Variants in NXN observed in about 807,000 individuals in gnomAD.
NXN encodes the protein nucleoredoxin 1.
In NXN, 16 loss-of-function variants were observed where a neutral mutation model predicts 48.6. The ratio of observed to expected loss-of-function variants is 0.33; its 90% CI spans 0.22 to 0.50. The LOEUF (loss-of-function observed/expected upper bound fraction) is 0.50, where lower values mean the gene tolerates loss of function less well. NXN is among the 20% of genes least tolerant of loss of function. The pLI, the probability that NXN is intolerant of heterozygous loss-of-function variation, is 0.98. For missense variants in NXN, 492 were observed against 605.5 expected, an observed-to-expected ratio of 0.81 and a Z score of 1.97; for synonymous variants, 281 against 269.6, an observed-to-expected ratio of 1.04 and a Z score of -0.41.
intron 1 of NXN, among the ~76,000 whole-genome samples, chr17:838,126 C>CTTTTTTTTTTTTTTTTT (rs66721481): frequency 1.0e-5 from 1 of 99,188 alleles, no homozygotes; most frequent in Non-Finnish European, 1.9e-5. Flanking sequence ...TCCTTTCCTT[C>CTTTTTTTTTTTTTTTTT]TTTTTTTTTT....
intron 1 of NXN, among the ~76,000 whole-genome samples, chr17:882,505 A>G (rs368433665): frequency 3.7e-4 from 56 of 151,978 alleles, no homozygotes; most frequent in African/African-American, 5.3e-4. Context: ...TCGCTCTGTC[A>G]CCCAGGCTGG....
intron 1 of NXN, 77 bp downstream of exon 1, chr17:979,242 G>GGTAACGGGCGTGGGGGGCGGGCAGGA: frequency 9.5e-7 from 1 of 1,057,352 alleles, no homozygotes; most frequent in Non-Finnish European, 1.2e-6. Context: ...GGAGGGCAGG[G>GGTAACGGGCGTGGGGGGCGGGCAGGA]GTAACGGGCG....
chr17:902,204 T>C (rs1406772990), intron 1 of NXN, among the ~76,000 whole-genome samples: 1 of 152,220 alleles, frequency 6.6e-6, no homozygotes, highest in Admixed American at 6.5e-5. Context: ...CATTATTCAC[T>C]GCTCCCACTC....
intron 1 of NXN, among the ~76,000 whole-genome samples, chr17:899,985 G>A (rs1189175313): frequency 6.6e-6 from 1 of 152,186 alleles, no homozygotes; most frequent in Non-Finnish European, 1.5e-5. Flanking sequence ...TTTTCTGAGG[G>A]CCGGGCGTGG....
chr17:849,062 G>A lies in NXN; in HGVS notation c.361-22984C>T, dbSNP rs1228751836. 1.3e-5 allele frequency among the ~76,000 whole-genome samples: 2 copies of A among 152,198 alleles called. No individual in the cohort carries two copies. The highest frequency in any genetic ancestry group is 2.4e-5 in the African/African-American group (1 of 41,458). On this transcript the variant is annotated intron_variant, in intron 1 of 7. Coordinates refer to ENST00000336868, the MANE Select transcript of NXN (RefSeq NM_022463.5). The surrounding 1 kb of genome is among the most constrained non-coding windows in gnomAD (Gnocchi z 4.2). ...TCGAGAAAGGAAGGGAGCCTGTCTG[G>A]TATGTAACAGGCTCCGGCTTCCTCT...
At chr17:955,794 C>T (rs984444675) in intron 1 of NXN, among the ~76,000 whole-genome samples, 49 of 151,980 alleles carry the variant, frequency 3.2e-4, no homozygotes, top group African/African-American at 1.1e-3. Context: ...CCCAGCAACT[C>T]GGGAGGCTGA....
At chr17:834,059 C>T (rs1189186072) in intron 1 of NXN, among the ~76,000 whole-genome samples, 5 of 152,176 alleles carry the variant, frequency 3.3e-5, no homozygotes, top group Non-Finnish European at 5.9e-5. Context: ...GTGGCTCACG[C>T]CTGGAATCCC....
chr17:869,174 C>T (rs924702677), intron 1 of NXN, among the ~76,000 whole-genome samples: 1 of 152,158 alleles, frequency 6.6e-6, no homozygotes, highest in Non-Finnish European at 1.5e-5. Flanking sequence ...ATCCTGCCTC[C>T]TGTTTGTTAA....
At chr17:940,969 G>A (rs1487771243) in intron 1 of NXN, among the ~76,000 whole-genome samples, 1 of 146,092 alleles carries the variant, frequency 6.8e-6, no homozygotes, top group African/African-American at 2.7e-5. Flanking sequence ...CAGTGAACAA[G>A]ATTCCAGGGT....
At chr17:843,024 GAA>G (rs1421810230) in intron 1 of NXN, among the ~76,000 whole-genome samples, 4 of 138,114 alleles carry the variant, frequency 2.9e-5, no homozygotes, top group Admixed American at 1.4e-4. Context: ...AAGAAAGAAA[GAA>G]AGAAAGAAAG....
intron 1 of NXN, among the ~76,000 whole-genome samples, chr17:869,142 A>G (rs2068125300): frequency 1.3e-5 from 2 of 152,270 alleles, no homozygotes; most frequent in South Asian, 2.1e-4. Context: ...CTGACCAGAC[A>G]GTTCCTTCTC....
In NXN at chr17:932,315, C is replaced by G. The variant is rs527976466; in HGVS notation, c.360+47004G>C. On this transcript the variant is annotated intron_variant, in intron 1 of 7. Transcript: ENST00000336868. This position sits in a 1 kb window ranked among gnomAD's most constrained non-coding sequence, Gnocchi z 4.1. ...TCTTAAACTCTGGTCCCTGGACGTACGGCTTCCGGGTTGCCTGGGAACTGT... is the reference window on the plus strand; with the variant it reads ...TCTTAAACTCTGGTCCCTGGACGTAGGGCTTCCGGGTTGCCTGGGAACTGT... Among the ~76,000 whole-genome samples the G allele has an allele frequency of 6.6e-6, 1 of 152,160 alleles. No individual in the cohort carries two copies.
rs548055300 is a variant in NXN at position 898,829 on chromosome 17, T to G, written c.361-72751A>C. Among the ~76,000 whole-genome samples, 11 of 70,960 alleles carry G rather than the reference T, an allele frequency of 1.6e-4. 4 individuals carry two copies. Among genetic ancestry groups the G allele is most frequent in the African/African-American group, 3.5e-4 (11 of 31,146 alleles). 46.6% of individuals were successfully genotyped at this position (70,960 alleles called of 152,430 possible). The stretch of plus-strand genomic sequence containing the variant: ...GGGCACCACTGCACTCCAGCCTGGG[T>G]GACAAAACAGACTGTCTCAAAAAAA... On this transcript the variant is annotated intron_variant, in intron 1 of 7. Coordinates refer to ENST00000336868, the MANE Select transcript of NXN (RefSeq NM_022463.5).
intron 1 of NXN, among the ~76,000 whole-genome samples, chr17:846,918 T>G (rs2067869153): frequency 6.6e-6 from 1 of 152,134 alleles, no homozygotes; most frequent in South Asian, 2.1e-4. Context: ...ATCAGATTAT[T>G]TGAAGAGAAA....
In NXN at chr17:800,945, C is replaced by A; in HGVS notation, c.*4G>T. On this transcript the variant is annotated 3_prime_UTR_variant, in exon 8 of 8. Transcript: ENST00000336868. ...AAATAACGTCTCAGGAGGCCGGAGC[C>A]ACGCTAGATGGGCTCCGGTTTGAGC... is the stretch of plus-strand genomic sequence containing the variant. 6.9e-7 allele frequency: 1 copy of A among 1,443,364 alleles called. No homozygotes were observed. The highest frequency in any genetic ancestry group is 1.9e-4 in the Middle Eastern group (1 of 5,282). 89.4% of individuals were successfully genotyped at this position (1,443,364 alleles called of 1,614,324 possible). A position where few individuals can be genotyped will look rare whatever the true frequency, so the allele number is the denominator to read the frequency against.
In NXN at chr17:979,453, CCCCGGCCCCCGCT is replaced by C; in HGVS notation, c.213_225del (p.Ala72ArgfsTer60). ...CGCCGCGGCTCGGGCTCCGCCGCCGCCCCGGCCCCCGCTCCCGGCCCCGGCCCGGCCGCCGCGT... is the reference window on the plus strand; with the variant it reads ...CGCCGCGGCTCGGGCTCCGCCGCCGCCCCGGCCCCGGCCCGGCCGCCGCGT... On this transcript the variant is annotated frameshift_variant, in exon 1 of 8. Transcript: ENST00000336868. LOFTEE classifies it high-confidence loss of function. 1 of 1,220,718 alleles carries C rather than the reference CCCCGGCCCCCGCT, an allele frequency of 8.2e-7. No homozygotes were observed. The highest frequency in any genetic ancestry group is 1.0e-6 in the Non-Finnish European group (1 of 974,052). The allele number at this position is 1,220,718 out of a possible 1,614,324, so 75.6% of individuals were successfully genotyped here.
At chr17:947,197 G>A (rs1334048775) in intron 1 of NXN, among the ~76,000 whole-genome samples, 2 of 152,136 alleles carry the variant, frequency 1.3e-5, no homozygotes. Context: ...TACAGTAGTG[G>A]CTGAAAAACC....
At chr17:803,563 C>T (rs945358222) in intron 7 of NXN, 119 bp downstream of exon 7, 2 of 1,297,992 alleles carry the variant, frequency 1.5e-6, no homozygotes, top group Non-Finnish European at 2.1e-6. Context: ...TGGGCTCTCT[C>T]AGAAGCACAG....
chr17:915,360 T>C (rs891451841), intron 1 of NXN, among the ~76,000 whole-genome samples: 66 of 152,300 alleles, frequency 4.3e-4, no homozygotes, highest in African/African-American at 1.5e-3. Flanking sequence ...CTCGGCTCAC[T>C]GCAACCTCCA....
Sources: gnomAD v4.1 joint callset for allele counts (sites outside exome capture counted in the v4.1 genomes callset) on GRCh38, gnomAD v4.1.1 for gene constraint, Gnocchi (gnomAD v3.1) non-coding constraint, MANE v1.5 for transcripts, NCBI Gene and HGNC (gene_info 2026-07-23, HGNC 2026-07-21) for gene names.